SNX29: variants seen among roughly 807,000 people sequenced by gnomAD.
The protein encoded by SNX29 is sorting nexin 29, also known as sorting nexin-29.
A neutral mutation model predicts 102.1 loss-of-function variants in SNX29; 78 were observed. The ratio of observed to expected loss-of-function variants is 0.76; its 90% CI spans 0.64 to 0.92. SNX29 has a LOEUF of 0.92. Among genes scored for constraint, SNX29 ranks in the 40% least tolerant of loss-of-function variants. SNX29 has a pLI of 0.00. For synonymous variants in SNX29, 580 were observed against 414.5 expected (o/e 1.40, Z -4.85); for missense variants, 1,280 against 1,061.7 (o/e 1.21, Z -2.86).
At chr16:12,072,373 A>G (rs532881024) in intron 10 of SNX29, among the ~76,000 whole-genome samples, 116 of 152,290 alleles carry the variant, frequency 7.6e-4, no homozygotes, top group African/African-American at 2.7e-3. Flanking sequence ...AGTTTTTAGC[A>G]TGAAGCGTTG....
intron 18 of SNX29, among the ~76,000 whole-genome samples, chr16:12,472,529 C>CAA (rs60223249): frequency 0.046 from 3,375 of 72,870 alleles, 162 homozygotes; most frequent in East Asian, 0.27. Flanking sequence ...AAAAAAAAAC[C>CAA]AAAAAAAAAA....
At chr16:12,491,962 C>G (rs990211658) in intron 19 of SNX29, among the ~76,000 whole-genome samples, 2 of 152,186 alleles carry the variant, frequency 1.3e-5, no homozygotes, top group African/African-American at 4.8e-5. Context: ...CAAGTCTTTG[C>G]TATTGTGAAT....
chr16:12,044,060 A>G (rs919190052), intron 5 of SNX29, among the ~76,000 whole-genome samples: 7 of 152,122 alleles, frequency 4.6e-5, no homozygotes, highest in African/African-American at 9.7e-5. Context: ...GGCCATGGCC[A>G]TTAGTTTTGC....
In SNX29 at chr16:12,062,110, A is replaced by G. The variant is rs540468094; in HGVS notation, c.1243+464A>G. 2.0e-5 allele frequency among the ~76,000 whole-genome samples: 3 copies of G among 152,096 alleles called. No homozygotes were observed. In the South Asian group the frequency reaches 6.2e-4, roughly 32 times the overall value. ...AAGCTGTTTCTGGGCTGGGTGCGAT[A>G]TCTCATGCCTGTAATCCCAGCACTT... On this transcript the variant is annotated intron_variant, in intron 9 of 20. Transcript: ENST00000566228.
intron 14 of SNX29, among the ~76,000 whole-genome samples, chr16:12,251,762 AT>A (rs556834239): frequency 4.7e-5 from 7 of 149,648 alleles, no homozygotes; most frequent in African/African-American, 1.5e-4. Context: ...ATTTGTTTTA[AT>A]TTTTTTTTTC....
chr16:12,196,985 C>G (rs1051877719), intron 13 of SNX29, among the ~76,000 whole-genome samples: 1 of 152,090 alleles, frequency 6.6e-6, no homozygotes, highest in Non-Finnish European at 1.5e-5. Context: ...AGAAGAAAAG[C>G]AGGTATCTGA....
intron 19 of SNX29, among the ~76,000 whole-genome samples, chr16:12,493,046 T>C (rs1365700164): frequency 6.6e-6 from 1 of 152,220 alleles, no homozygotes; most frequent in African/African-American, 2.4e-5. Context: ...AACTTTAAAG[T>C]AGTTTTTTCC....
Position 12,571,161 on chromosome 16 carries a change from C to T in SNX29, c.*2532C>T, listed in dbSNP as rs781278484. 7.3e-5 allele frequency: 17 copies of T among 232,510 alleles called. No individual in the cohort carries two copies. The highest frequency in any genetic ancestry group is 1.8e-4 in the South Asian group (1 of 5,528). The allele number at this position is 232,510 out of a possible 1,614,324, so 14.4% of individuals were successfully genotyped here. ...TCCATCTTGCTGCTCAGAAGAATCC[C>T]GTCCTGCTCTCTAGTGTGGTGGGAT... On this transcript the variant is annotated 3_prime_UTR_variant, in exon 21 of 21. Transcript: ENST00000566228.
intron 15 of SNX29, among the ~76,000 whole-genome samples, chr16:12,343,784 C>T (rs537388110): frequency 4.1e-4 from 62 of 152,148 alleles, no homozygotes; most frequent in African/African-American, 1.2e-3. Flanking sequence ...CCTGGCACAC[C>T]GTTGCTCAAT....
chr16:12,324,147 G>T (rs2081044716), intron 15 of SNX29, among the ~76,000 whole-genome samples: 1 of 151,972 alleles, frequency 6.6e-6, no homozygotes. Context: ...ACCTGTTCTA[G>T]GCATTTTTGG....
At chr16:12,559,322 C>T (rs542724389) in intron 20 of SNX29, among the ~76,000 whole-genome samples, 33 of 151,950 alleles carry the variant, frequency 2.2e-4, no homozygotes, top group Non-Finnish European at 4.3e-4. Flanking sequence ...GTGAACTGCC[C>T]ATGTGAGGGA....
At chr16:12,221,983 G>A (rs1278762657) in intron 14 of SNX29, among the ~76,000 whole-genome samples, 1 of 152,154 alleles carries the variant, frequency 6.6e-6, no homozygotes, top group East Asian at 1.9e-4. Flanking sequence ...CCCTGCCTTG[G>A]AACTGGACCT....
intron 7 of SNX29, among the ~76,000 whole-genome samples, chr16:12,050,717 C>CA (rs1555527338): frequency 6.8e-6 from 1 of 146,654 alleles, no homozygotes; most frequent in Non-Finnish European, 1.5e-5. Flanking sequence ...ATTTCTGCCA[C>CA]TTTTTTTTTT....
chr16:12,497,814 T>C (rs2088907178), intron 19 of SNX29, among the ~76,000 whole-genome samples: 1 of 152,202 alleles, frequency 6.6e-6, no homozygotes, highest in Admixed American at 6.5e-5. Context: ...CCCAGTAGTT[T>C]CAGTCTCAGC....
intron 18 of SNX29, among the ~76,000 whole-genome samples, chr16:12,410,993 C>T (rs1382922443): frequency 1.3e-5 from 2 of 152,148 alleles, no homozygotes; most frequent in Non-Finnish European, 2.9e-5. Flanking sequence ...TGCTTGCTTC[C>T]TGTGTAGCTA....
chr16:12,138,913 G>A (rs756458652), intron 13 of SNX29, among the ~76,000 whole-genome samples: 1 of 152,024 alleles, frequency 6.6e-6, no homozygotes, highest in African/African-American at 2.4e-5. Context: ...AATACAGAAG[G>A]CTTTGTTGGT....
intron 15 of SNX29, among the ~76,000 whole-genome samples, chr16:12,297,627 A>G (rs997100509): frequency 5.3e-5 from 8 of 152,076 alleles, no homozygotes; most frequent in Non-Finnish European, 2.9e-5. Context: ...GTGGGTGGTG[A>G]TGGATGTGTT....
intron 16 of SNX29, among the ~76,000 whole-genome samples, chr16:12,362,578 G>C (rs1311569146): frequency 3.7e-5 from 1 of 27,206 alleles, no homozygotes; most frequent in Admixed American, 5.2e-4. Context: ...CCCCCCACCA[G>C]TTTCTCCTCA....
Position 12,149,447 on chromosome 16 carries a change from A to G in SNX29, c.1595+19689A>G, listed in dbSNP as rs145740432. On this transcript the variant is annotated intron_variant, in intron 13 of 20. Transcript: ENST00000566228. ...CTGTGCTTAGTGCCTGGTACATAGT[A>G]ATCTCTCATGAGGAAAATTCACTTG... 5.3e-5 allele frequency among the ~76,000 whole-genome samples: 8 copies of G among 152,334 alleles called. No individual in the cohort carries two copies. The East Asian group carries it at 1.4e-3, about 26-fold the overall frequency.
Sources: gnomAD v4.1 joint callset for allele counts (sites outside exome capture counted in the v4.1 genomes callset) on GRCh38, gnomAD v4.1.1 for gene constraint, MANE v1.5 for transcripts, NCBI Gene and HGNC (gene_info 2026-07-23, HGNC 2026-07-21) for gene names.